HEATR5B: variants seen among roughly 807,000 people sequenced by gnomAD.
The protein encoded by HEATR5B is HEAT repeat containing 5B, also known as HEAT repeat-containing protein 5B.
In HEATR5B, 156 loss-of-function variants were observed where a neutral mutation model predicts 224.1. The ratio of observed to expected loss-of-function variants is 0.70; its 90% CI spans 0.61 to 0.80. The LOEUF (loss-of-function observed/expected upper bound fraction) is 0.80, where lower values mean the gene tolerates loss of function less well. Among genes scored for constraint, HEATR5B ranks in the 30% least tolerant of loss-of-function variants. The pLI is 0.00. For synonymous variants in HEATR5B, 1,027 were observed against 893.0 expected, an observed-to-expected ratio of 1.15 and a Z score of -2.68; for missense variants, 2,323 against 2,535.5, an observed-to-expected ratio of 0.92 and a Z score of 1.80.
intron 7 of HEATR5B, among the ~76,000 whole-genome samples, chr2:37,069,440 C>CCATA (rs1027180533): frequency 1.6e-4 from 24 of 152,144 alleles, no homozygotes; most frequent in Admixed American, 6.5e-5. Flanking sequence ...AGATCATTAA[C>CCATA]CATAACCTCT....
chr2:37,038,920 G>GGGGC, intron 20 of HEATR5B, among the ~76,000 whole-genome samples: 1 of 124,666 alleles, frequency 8.0e-6, no homozygotes, highest in African/African-American at 3.1e-5. Context: ...GGGGGGTGGG[G>GGGGC]AATCACATAT....
In HEATR5B at chr2:37,070,336, A is replaced by AT. The variant is rs1671831479; in HGVS notation, c.820dup (p.Met274AsnfsTer27). The stretch of plus-strand genomic sequence containing the variant: ...CCCTCCACGCAGAAATCCTGTGGCC[A>AT]TGAGTTCTAAGACTTCATCAAATGT... On this transcript the variant is annotated frameshift_variant, in exon 7 of 36. Transcript: ENST00000233099. LOFTEE classifies it high-confidence loss of function. 6.2e-7 allele frequency: 1 copy of AT among 1,613,948 alleles called. No homozygotes were observed. The highest frequency in any genetic ancestry group is 8.5e-7 in the Non-Finnish European group (1 of 1,179,928).
Position 37,070,284 on chromosome 2 carries a change from T to C in HEATR5B, c.873A>G (p.Glu291=), listed in dbSNP as rs550919621. The stretch of plus-strand genomic sequence containing the variant: ...TAACGGACCCTCCAACTTTTAACAT[T>C]TCTCCACCGCTCTTTAAGAAACCTG... The part of the protein sequence containing the change: ...GGSGFLKSGG[E]MLKVGGSVNR... The change falls in exon 7 of 36, where the codon GAA becomes GAG. Residue 291 remains glutamate, a synonymous_variant. Transcript: ENST00000233099. 36 of 1,613,988 alleles carry C rather than the reference T, an allele frequency of 2.2e-5. No individual in the cohort carries two copies. The highest frequency in any genetic ancestry group is 2.7e-5 in the Non-Finnish European group (32 of 1,180,004).
chr2:36,996,598 TA>T (rs1214160355), intron 33 of HEATR5B, among the ~76,000 whole-genome samples: 1 of 151,736 alleles, frequency 6.6e-6, no homozygotes, highest in African/African-American at 2.4e-5. Flanking sequence ...TGTATATATA[TA>T]TATTTTTTTG....
chr2:37,011,924 T>C (rs529568029), intron 27 of HEATR5B, among the ~76,000 whole-genome samples: 1 of 152,290 alleles, frequency 6.6e-6, no homozygotes, highest in East Asian at 1.9e-4. Context: ...TTACAAATAT[T>C]TTTATGACTC....
intron 27 of HEATR5B, among the ~76,000 whole-genome samples, chr2:37,013,164 G>A (rs1558731147): frequency 6.6e-6 from 1 of 152,106 alleles, no homozygotes. Flanking sequence ...CCTTAAACGT[G>A]GTTTCACTTT....
At chr2:37,001,771 C>T (rs561238506) in intron 32 of HEATR5B, among the ~76,000 whole-genome samples, 2 of 151,628 alleles carry the variant, frequency 1.3e-5, no homozygotes, top group South Asian at 4.2e-4. Context: ...TCAAGTGATT[C>T]TCCTGCCTCA....
At chr2:37,072,948 A>C (rs1311809356) in intron 5 of HEATR5B, among the ~76,000 whole-genome samples, 3 of 152,218 alleles carry the variant, frequency 2.0e-5, no homozygotes, top group African/African-American at 7.2e-5. Flanking sequence ...TCTATGTTAA[A>C]ATTTGATTCT....
chr2:36,993,479 G>A (rs930061135), intron 33 of HEATR5B, among the ~76,000 whole-genome samples: 1 of 151,688 alleles, frequency 6.6e-6, no homozygotes, highest in Admixed American at 6.6e-5. Flanking sequence ...GGACGTGGAG[G>A]TTGCGGTGAG....
chr2:36,983,672 G>A (rs1665734977), intron 35 of HEATR5B, among the ~76,000 whole-genome samples: 1 of 152,016 alleles, frequency 6.6e-6, no homozygotes, highest in African/African-American at 2.4e-5. Flanking sequence ...AGGTCTCAGC[G>A]AGCAGAGATC....
chr2:36,992,039 A>T (rs1275570864), intron 33 of HEATR5B, among the ~76,000 whole-genome samples: 3 of 152,098 alleles, frequency 2.0e-5, no homozygotes. Context: ...TTCTACTAAA[A>T]ATACAAAAAT....
intron 27 of HEATR5B, among the ~76,000 whole-genome samples, 162 bp downstream of exon 27, chr2:37,013,679 A>G (rs1343280747): frequency 6.6e-6 from 1 of 152,220 alleles, no homozygotes; most frequent in African/African-American, 2.4e-5. Context: ...CTTCCTCAAT[A>G]TAGAGGTTTT....
chr2:37,019,268 T>C (rs546962167), intron 26 of HEATR5B, among the ~76,000 whole-genome samples: 2 of 152,274 alleles, frequency 1.3e-5, no homozygotes, highest in South Asian at 4.1e-4. Flanking sequence ...AATGTCTATA[T>C]TGTGAAATTC....
intron 32 of HEATR5B, among the ~76,000 whole-genome samples, chr2:37,001,284 G>A (rs1667071753): frequency 6.6e-6 from 1 of 152,076 alleles, no homozygotes; most frequent in South Asian, 2.1e-4. Flanking sequence ...AAGAAGAAAT[G>A]AAATAATCCT....
chr2:37,052,199 CA>C (rs11368267), intron 17 of HEATR5B, among the ~76,000 whole-genome samples: 7,173 of 152,182 alleles, frequency 0.047, 550 homozygotes, highest in African/African-American at 0.16. Context: ...AAAAAGTATT[CA>C]AACACTTTAT....
rs1234408442 is a variant in HEATR5B at position 37,007,058 on chromosome 2, A to C, written c.4769T>G (p.Leu1590Arg). 7.4e-6 allele frequency: 12 copies of C among 1,613,818 alleles called. No individual in the cohort carries two copies. Among genetic ancestry groups the C allele is most frequent in the Non-Finnish European group, 9.3e-6 (11 of 1,179,700 alleles). ...LPEINKDRMHLILGVSIQFLC... is the reference protein window; with the variant it reads ...LPEINKDRMHRILGVSIQFLC... ...TAATATGACAGACCTACCTAAAATCAGATGCATTCTGTCTTTGTTAATTTC... is the reference window on the plus strand; with the variant it reads ...TAATATGACAGACCTACCTAAAATCCGATGCATTCTGTCTTTGTTAATTTC... The change falls in exon 29 of 36, where the codon CTG becomes CGG. Residue 1590 changes from leucine (L) to arginine (R), a missense_variant. Leu to Arg is a moderately radical substitution (Grantham distance 102). This residue lies in a region of HEATR5B where 844 missense variants were observed against 812.9 expected (regional missense o/e 1.04). Coordinates refer to ENST00000233099, the MANE Select transcript of HEATR5B (RefSeq NM_019024.3).
At chr2:37,032,821 T>C (rs377060837) in intron 21 of HEATR5B, 48 bp from the exon 22 acceptor site, 3 of 1,520,512 alleles carry the variant, frequency 2.0e-6, no homozygotes, top group South Asian at 1.2e-5. Flanking sequence ...AAAGCTGTAA[T>C]TCTTTAATCT....
chr2:37,041,137 A>C lies in HEATR5B; in HGVS notation c.2852T>G (p.Val951Gly). The C allele has an allele frequency of 6.2e-7, 1 of 1,612,686 alleles. No individual in the cohort carries two copies. The highest frequency in any genetic ancestry group is 8.5e-7 in the Non-Finnish European group (1 of 1,179,316). Residue 951 changes from valine to glycine, a missense_variant, in exon 19 of 36, where the codon GTC (valine) becomes GGC (glycine). Physicochemically the swap from Val to Gly is moderately radical, Grantham distance 109. Transcript: ENST00000233099. ...AAAAAACCAATTATATTATACCTGG[A>C]CTTCAGGGGATGTCCCATCTTGTGC... is the stretch of plus-strand genomic sequence containing the variant. Reference protein sequence around the residue: ...ALAQDGTSPEVQTWSLHSLAL... With the variant: ...ALAQDGTSPEGQTWSLHSLAL...
chr2:37,027,953 C>T lies in HEATR5B; in HGVS notation c.3823G>A (p.Ala1275Thr). The T allele has an allele frequency of 6.2e-7, 1 of 1,614,128 alleles. No homozygotes were observed. Among genetic ancestry groups the T allele is most frequent in the Non-Finnish European group, 8.5e-7 (1 of 1,179,978 alleles). ...ADQAHFDLAL[A>T]RSAKLRNPTN... ...GGGTTTCGAAGTTTAGCAGAACGTG[C>T]CAAGGCAAGATCAAAGTGAGCCTGG... Residue 1275 changes from alanine to threonine, a missense_variant, in exon 24 of 36, where the codon GCA becomes ACA. Physicochemically the swap from Ala to Thr is moderately conservative, Grantham distance 58 (BLOSUM62 0). Transcript: ENST00000233099.
Sources: allele counts gnomAD v4.1 joint callset (sites outside exome capture counted in the v4.1 genomes callset), GRCh38; gene constraint gnomAD v4.1.1; regional missense constraint gnomAD v4.1.1; transcripts MANE v1.5; gene names NCBI Gene and HGNC (gene_info 2026-07-23, HGNC 2026-07-21).